Variants in NHSL2 observed in about 807,000 individuals in gnomAD.
NHSL2 encodes the protein NHS-like protein 2.
Under a neutral mutation model 53.4 loss-of-function variants are expected in NHSL2, and 27 were observed. That is an observed-to-expected ratio of 0.51 (90% confidence interval 0.37 to 0.70). NHSL2 has a LOEUF of 0.70. Ranked by LOEUF, NHSL2 falls within the 30% of genes least tolerant of loss-of-function variation. The pLI, the probability that NHSL2 is intolerant of heterozygous loss-of-function variation, is 0.00. For missense variants in NHSL2, 892 were observed against 980.1 expected (o/e 0.91, Z 1.20); for synonymous variants, 408 against 404.1 (o/e 1.01, Z -0.12).
chrX:72,034,866 T>A (rs1209079528), intron 1 of NHSL2, among the ~76,000 whole-genome samples: 1 of 112,168 alleles, frequency 8.9e-6, no homozygotes, highest in African/African-American at 3.2e-5. Context: ...GAAAATGAAC[T>A]TTTGTTTCAT....
chrX:72,143,580 G>A lies in NHSL2; in HGVS notation c.*6G>A. 9.0e-7 allele frequency: 1 copy of A among 1,105,421 alleles called. No homozygotes were observed. 91.1% of individuals were successfully genotyped at this position (1,105,421 alleles called of 1,213,427 possible). A position where few individuals can be genotyped will look rare whatever the true frequency, so the allele number is the denominator to read the frequency against. On this transcript the variant is annotated 3_prime_UTR_variant, in exon 8 of 8. Transcript: ENST00000633930. ...CCGATAACCCCAGTACCTAAGCCCT[G>A]GGCTCAACAAGCAGGGTTTACTTAC...
chrX:72,121,322 A>C (rs2042179582), intron 1 of NHSL2, among the ~76,000 whole-genome samples: 1 of 111,892 alleles, frequency 8.9e-6, no homozygotes, highest in Admixed American at 9.5e-5. Context: ...TAGTGTGGAA[A>C]CATTCATTAG....
At chrX:72,004,282 G>A (rs1349669536) in intron 1 of NHSL2, among the ~76,000 whole-genome samples, 3 of 112,180 alleles carry the variant, frequency 2.7e-5, no homozygotes, top group African/African-American at 6.5e-5. Context: ...TGCCTGGCTC[G>A]CACTGCCTAT....
Position 72,106,558 on chromosome X carries a change from G to A in NHSL2, c.281-25521G>A, listed in dbSNP as rs868555181. Among the ~76,000 whole-genome samples, 5 of 111,630 alleles carry A rather than the reference G, an allele frequency of 4.5e-5. No homozygotes were observed. In the East Asian group the frequency reaches 8.5e-4, roughly 19 times the overall value. On this transcript the variant is annotated intron_variant, in intron 1 of 7. Coordinates refer to ENST00000633930, the MANE Select transcript of NHSL2 (RefSeq NM_001013627.3). Reference sequence around the variant, plus strand: ...CAACCATTGTGGAAGACAGTGTGGCGATTCCTCAGGGATCTAGAACTAGAA... The same window carrying A: ...CAACCATTGTGGAAGACAGTGTGGCAATTCCTCAGGGATCTAGAACTAGAA...
At chrX:71,961,181 G>A (rs1258433971) in intron 1 of NHSL2, among the ~76,000 whole-genome samples, 3 of 111,579 alleles carry the variant, frequency 2.7e-5, no homozygotes, top group Admixed American at 1.9e-4. Context: ...ATTTTTGATT[G>A]TTTATTGATA....
chrX:71,962,770 C>CA (rs1329706695), intron 1 of NHSL2, among the ~76,000 whole-genome samples: 1 of 108,344 alleles, frequency 9.2e-6, no homozygotes, highest in Non-Finnish European at 1.9e-5. Flanking sequence ...GCTGGGACTA[C>CA]AGGCATGTGC....
intron 1 of NHSL2, among the ~76,000 whole-genome samples, chrX:71,920,259 T>C (rs2041650601): frequency 8.9e-6 from 1 of 112,139 alleles, no homozygotes; most frequent in Admixed American, 9.5e-5. Flanking sequence ...CATTTTTCAT[T>C]TTTTAATTAC....
intron 1 of NHSL2, among the ~76,000 whole-genome samples, chrX:71,998,713 C>A (rs1350644356): frequency 9.0e-6 from 1 of 111,492 alleles, no homozygotes; most frequent in Non-Finnish European, 1.9e-5. Context: ...TTCAGCTCCC[C>A]CTTCATCTTT....
Position 72,148,332 on chromosome X carries a change from C to T in NHSL2, c.*4758C>T, listed in dbSNP as rs1053120817. The T allele has an allele frequency of 2.3e-4, 26 of 111,441 alleles. No individual in the cohort carries two copies. The highest frequency in any genetic ancestry group is 8.5e-4 in the African/African-American group (26 of 30,626). 9.2% of individuals were successfully genotyped at this position (111,441 alleles called of 1,213,427 possible). On this transcript the variant is annotated 3_prime_UTR_variant, in exon 8 of 8. Transcript: ENST00000633930. ...TAAACTTATTGGAGGTACAACTTTA[C>T]CTCCAATAAGCTTACCTTTACAAGC...
chrX:71,949,178 G>C (rs2095097244), intron 1 of NHSL2, among the ~76,000 whole-genome samples: 1 of 111,535 alleles, frequency 9.0e-6, no homozygotes, highest in African/African-American at 3.3e-5. Flanking sequence ...GTATATGGCA[G>C]TTTTTAAAAT....
intron 1 of NHSL2, among the ~76,000 whole-genome samples, chrX:71,966,469 A>T (rs1455956450): frequency 7.2e-5 from 8 of 111,431 alleles, no homozygotes; most frequent in Non-Finnish European, 1.5e-4. Context: ...TATCCTTTCT[A>T]TTTCTAGTTT....
In NHSL2 at chrX:72,144,509, G is replaced by A. The variant is rs769259977; in HGVS notation, c.*935G>A. On this transcript the variant is annotated 3_prime_UTR_variant, in exon 8 of 8. Transcript: ENST00000633930. Reference sequence around the variant, plus strand: ...CAGGAAGTAATTAACTGAAGGAACAGCATCATCAAAGGCTCAAGGATAATG... The same window carrying A: ...CAGGAAGTAATTAACTGAAGGAACAACATCATCAAAGGCTCAAGGATAATG... The A allele has an allele frequency of 3.9e-6, 4 of 1,016,386 alleles. No individual in the cohort carries two copies. In the Admixed American group the frequency reaches 1.0e-4, roughly 25 times the overall value. The allele number at this position is 1,016,386 out of a possible 1,213,427, so 83.8% of individuals were successfully genotyped here. A position where few individuals can be genotyped will look rare whatever the true frequency, so the allele number is the denominator to read the frequency against.
chrX:71,927,855 G>A (rs749965280), intron 1 of NHSL2, among the ~76,000 whole-genome samples: 1 of 111,801 alleles, frequency 8.9e-6, no homozygotes, highest in Non-Finnish European at 1.9e-5. Flanking sequence ...CATCGCACCC[G>A]GCCCTACTAC....
chrX:72,106,549 C>T (rs1282193363), intron 1 of NHSL2, among the ~76,000 whole-genome samples: 6 of 111,818 alleles, frequency 5.4e-5, no homozygotes, highest in Admixed American at 9.4e-5. Flanking sequence ...TTGTGGAAGA[C>T]AGTGTGGCGA....
At chrX:71,949,757 T>G (rs2147839174) in intron 1 of NHSL2, among the ~76,000 whole-genome samples, 1 of 113,047 alleles carries the variant, frequency 8.8e-6, no homozygotes, top group South Asian at 3.6e-4. Flanking sequence ...CTCAGCTCTG[T>G]GTGTGGGAAA....
At chrX:71,995,119 C>T (rs2042044371) in intron 1 of NHSL2, among the ~76,000 whole-genome samples, 2 of 112,135 alleles carry the variant, frequency 1.8e-5, no homozygotes, top group East Asian at 2.8e-4. Context: ...TCTCATACTC[C>T]ACATCCACTC....
intron 1 of NHSL2, among the ~76,000 whole-genome samples, chrX:72,076,928 C>T (rs1035352656): frequency 9.9e-5 from 11 of 111,446 alleles, no homozygotes; most frequent in Non-Finnish European, 3.8e-5. Flanking sequence ...CTCCTAATTG[C>T]TCCCCACCAT....
intron 1 of NHSL2, among the ~76,000 whole-genome samples, chrX:72,004,746 G>A (rs1039968202): frequency 2.8e-5 from 3 of 107,597 alleles, no homozygotes; most frequent in Non-Finnish European, 5.8e-5. Context: ...AGAGCTGGGC[G>A]AGAACCTTTC....
intron 1 of NHSL2, among the ~76,000 whole-genome samples, chrX:71,923,129 T>C (rs912877872): frequency 1.8e-5 from 2 of 111,280 alleles, no homozygotes; most frequent in African/African-American, 6.5e-5. Flanking sequence ...AATATTTATT[T>C]CACTCTCGTA....
Sources: gnomAD v4.1 joint callset for allele counts (sites outside exome capture counted in the v4.1 genomes callset) on GRCh38, gnomAD v4.1.1 for gene constraint, MANE v1.5 for transcripts, NCBI Gene and HGNC (gene_info 2026-07-23, HGNC 2026-07-21) for gene names.